The following ZMAT4 variants were observed in gnomAD, a reference collection of about 807,000 sequenced individuals.
The protein encoded by ZMAT4 is zinc finger matrin-type 4.
In ZMAT4, 17 loss-of-function variants were observed where a neutral mutation model predicts 28.7. That is an observed-to-expected ratio of 0.59 (90% CI 0.41 to 0.89). The LOEUF (loss-of-function observed/expected upper bound fraction) is 0.89, where lower values mean the gene tolerates loss of function less well. ZMAT4 is among the 40% of genes least tolerant of loss of function. The pLI, the probability that ZMAT4 is intolerant of heterozygous loss-of-function variation, is 0.00. For missense variants in ZMAT4, 240 were observed against 283.8 expected, an observed-to-expected ratio of 0.85 and a Z score of 1.11; for synonymous variants, 117 against 109.2, an observed-to-expected ratio of 1.07 and a Z score of -0.44.
intron 5 of ZMAT4, among the ~76,000 whole-genome samples, chr8:40,671,990 G>C (rs1431023605): frequency 6.6e-6 from 1 of 152,206 alleles, no homozygotes; most frequent in Non-Finnish European, 1.5e-5. Context: ...ACTATTATGT[G>C]TCTGCCACTA....
chr8:40,627,068 C>G (rs1287891930), intron 5 of ZMAT4, among the ~76,000 whole-genome samples: 1 of 152,164 alleles, frequency 6.6e-6, no homozygotes, highest in Non-Finnish European at 1.5e-5. Flanking sequence ...TTTGCTCATT[C>G]CCTCCCTGAA....
intron 3 of ZMAT4, among the ~76,000 whole-genome samples, chr8:40,765,985 C>T (rs57899324): frequency 0.022 from 3,324 of 152,270 alleles, 136 homozygotes; most frequent in African/African-American, 0.075. Context: ...TCGGAGGTTA[C>T]ATAAAAGCTG....
At chr8:40,778,385 G>C (rs7004361) in intron 2 of ZMAT4, among the ~76,000 whole-genome samples, 21,535 of 152,082 alleles carry the variant, frequency 0.14, 2,149 homozygotes, top group East Asian at 0.42. Flanking sequence ...CAGCCTATCT[G>C]TTGCTCCCAT....
intron 1 of ZMAT4, among the ~76,000 whole-genome samples, chr8:40,884,216 T>C (rs1295221729): frequency 1.5e-5 from 2 of 133,690 alleles, no homozygotes; most frequent in African/African-American, 5.6e-5. Flanking sequence ...GGCCTCTGGC[T>C]ACGGACTCCT....
In ZMAT4 at chr8:40,768,674, A is replaced by C. The variant is rs1362324393; in HGVS notation, c.103-944T>G. 2.0e-5 allele frequency among the ~76,000 whole-genome samples: 3 copies of C among 151,484 alleles called. No individual in the cohort carries two copies. The East Asian group carries it at 5.8e-4, about 29-fold the overall frequency. Reference sequence around the variant, plus strand: ...TCACATTTTCTCCATGTACAAAATGAATACCACAACATTTGCTAGGGTGTC... The same window carrying C: ...TCACATTTTCTCCATGTACAAAATGCATACCACAACATTTGCTAGGGTGTC... On this transcript the variant is annotated intron_variant, in intron 2 of 6. Coordinates refer to ENST00000297737, the MANE Select transcript of ZMAT4 (RefSeq NM_024645.3).
intron 5 of ZMAT4, among the ~76,000 whole-genome samples, chr8:40,627,225 A>G (rs1563373527): frequency 2.6e-5 from 4 of 152,226 alleles, no homozygotes; most frequent in African/African-American, 4.8e-5. Context: ...GGAATGTTCT[A>G]TTAGAGAGGC....
At chr8:40,770,993 A>T (rs1383752052) in intron 2 of ZMAT4, among the ~76,000 whole-genome samples, 4 of 152,158 alleles carry the variant, frequency 2.6e-5, no homozygotes, top group Admixed American at 1.3e-4. Context: ...CTTTCCTACA[A>T]CAAGAAAGTT....
At chr8:40,732,583 G>A (rs1260999358) in intron 3 of ZMAT4, among the ~76,000 whole-genome samples, 2 of 152,250 alleles carry the variant, frequency 1.3e-5, no homozygotes, top group East Asian at 3.8e-4. Flanking sequence ...AAATTACCAA[G>A]ATGCCACAGG....
At chr8:40,624,670 C>G (rs1054936804) in intron 5 of ZMAT4, among the ~76,000 whole-genome samples, 1 of 152,210 alleles carries the variant, frequency 6.6e-6, no homozygotes, top group African/African-American at 2.4e-5. Flanking sequence ...TCCCAGATCT[C>G]AGTACATATC....
intron 1 of ZMAT4, among the ~76,000 whole-genome samples, chr8:40,850,244 C>T (rs772160914): frequency 4.3e-4 from 66 of 152,256 alleles, no homozygotes; most frequent in Middle Eastern, 3.4e-3. Flanking sequence ...AAAATAAACT[C>T]CAAGGCCCTC....
intron 2 of ZMAT4, among the ~76,000 whole-genome samples, chr8:40,794,657 T>C (rs1283974026): frequency 3.9e-5 from 6 of 152,168 alleles, no homozygotes; most frequent in South Asian, 2.1e-4. Context: ...TTTTAGCTCA[T>C]TGATGCTGTG....
intron 6 of ZMAT4, among the ~76,000 whole-genome samples, chr8:40,542,140 G>C (rs1192875239): frequency 6.6e-6 from 1 of 152,166 alleles, no homozygotes; most frequent in Non-Finnish European, 1.5e-5. Context: ...AAGAAGCACT[G>C]TATGTGGTAG....
intron 5 of ZMAT4, among the ~76,000 whole-genome samples, chr8:40,609,885 G>A (rs1026083267): frequency 1.3e-5 from 2 of 152,166 alleles, no homozygotes; most frequent in Non-Finnish European, 2.9e-5. Context: ...AGTGCAGCAA[G>A]GATGCAAGTC....
intron 1 of ZMAT4, among the ~76,000 whole-genome samples, chr8:40,881,429 A>AAGAGAGAG (rs1206128785): frequency 2.7e-4 from 33 of 120,122 alleles, no homozygotes; most frequent in African/African-American, 1.1e-3. Flanking sequence ...AAAAAGAAGA[A>AAGAGAGAG]AGAGAGAAAG....
chr8:40,821,075 GGT>G (rs936465681), intron 2 of ZMAT4, among the ~76,000 whole-genome samples: 3 of 150,552 alleles, frequency 2.0e-5, no homozygotes, highest in Admixed American at 6.6e-5. Flanking sequence ...TTTGGGGATG[GGT>G]GTGTGTGTAT....
intron 5 of ZMAT4, among the ~76,000 whole-genome samples, chr8:40,670,794 T>C (rs981267082): frequency 6.6e-6 from 1 of 151,654 alleles, no homozygotes; most frequent in African/African-American, 2.4e-5. Flanking sequence ...GACGGCAGGG[T>C]GTGGTGGCTC....
intron 1 of ZMAT4, among the ~76,000 whole-genome samples, chr8:40,835,966 A>G (rs2036957): frequency 0.016 from 2,458 of 152,318 alleles, 236 homozygotes; most frequent in Admixed American, 0.15. Flanking sequence ...TAGAGTGGCC[A>G]AGACAGGAAG....
intron 5 of ZMAT4, among the ~76,000 whole-genome samples, chr8:40,600,896 A>G (rs570271334): frequency 3.9e-5 from 6 of 152,228 alleles, no homozygotes; most frequent in Non-Finnish European, 8.8e-5. Flanking sequence ...GAAAATAAGC[A>G]ACTTTTGTCC....
At chr8:40,555,919 G>C (rs1410502688) in intron 6 of ZMAT4, among the ~76,000 whole-genome samples, 1 of 152,048 alleles carries the variant, frequency 6.6e-6, no homozygotes, top group Non-Finnish European at 1.5e-5. Flanking sequence ...CCTTGGCTAA[G>C]GTCATCAAAA....
Sources: gnomAD v4.1 joint callset for allele counts (sites outside exome capture counted in the v4.1 genomes callset) on GRCh38, gnomAD v4.1.1 for gene constraint, MANE v1.5 for transcripts, NCBI Gene and HGNC (gene_info 2026-07-23, HGNC 2026-07-21) for gene names.